GCNT2: variants seen among roughly 807,000 people sequenced by gnomAD.
The protein encoded by GCNT2 is glucosaminyl (N-acetyl) transferase 2 (I blood group), also known as N-acetyllactosaminide beta-1,6-N-acetylglucosaminyl-transferase.
GCNT2 carries 34 observed loss-of-function variants against 34.2 expected under a neutral mutation model. The observed-to-expected ratio is 1.00, with a 90% CI of 0.76 to 1.32. GCNT2 has a LOEUF of 1.32. Ranked by LOEUF, GCNT2 falls within the 40% of genes most tolerant of loss-of-function variation. The pLI is 0.00. For synonymous variants in GCNT2, 212 were observed against 188.0 expected, an observed-to-expected ratio of 1.13 and a Z score of -1.04; for missense variants, 584 against 489.4, an observed-to-expected ratio of 1.19 and a Z score of -1.82.
intron 3 of GCNT2, among the ~76,000 whole-genome samples, chr6:10,578,910 C>T (rs1365658145): frequency 3.9e-5 from 6 of 152,054 alleles, no homozygotes; most frequent in Non-Finnish European, 8.8e-5. Context: ...TGGGAGGAGG[C>T]GGAGAACTGG....
chr6:10,616,042 C>A (rs1256052772), intron 3 of GCNT2, among the ~76,000 whole-genome samples: 4 of 152,210 alleles, frequency 2.6e-5, no homozygotes, highest in Admixed American at 2.6e-4. Flanking sequence ...TGCGGACTCT[C>A]GCAGTGAGTG....
rs1766377848 is a variant in GCNT2, at chr6:10,628,944, C to T, written c.*2337C>T. ...GGCTGAGGCATGAGAATCGCTTGAA[C>T]CCAGGAGGTGGAGGTTACAGTGAGC... On this transcript the variant is annotated 3_prime_UTR_variant, in exon 5 of 5. Transcript: ENST00000495262. 1 of 152,408 alleles carries T rather than the reference C, an allele frequency of 6.6e-6. No individual in the cohort carries two copies. Among genetic ancestry groups the T allele is most frequent in the Admixed American group, 6.5e-5 (1 of 15,278 alleles). 9.4% of individuals were successfully genotyped at this position (152,408 alleles called of 1,614,324 possible).
At position 10,529,758 on chromosome 6, in the gene GCNT2, G is replaced by A. The variant is rs375575478; in HGVS notation, c.847G>A (p.Ala283Thr). The change falls in exon 3 of 5, where the codon GCA becomes ACA. Residue 283 changes from alanine to threonine, a missense_variant. Physicochemically the swap from Ala to Thr is moderately conservative, Grantham distance 58. Transcript: ENST00000495262. ...FANFVLQDQLALDLLSWSKDT... is the reference protein window; with the variant it reads ...FANFVLQDQLTLDLLSWSKDT... ...TAACTTCGTCCTCCAAGACCAGCTCGCACTTGACTTACTCTCCTGGTCCAA... is the reference window on the plus strand; with the variant it reads ...TAACTTCGTCCTCCAAGACCAGCTCACACTTGACTTACTCTCCTGGTCCAA... 8.7e-6 allele frequency: 14 copies of A among 1,613,992 alleles called. No individual in the cohort carries two copies. The highest frequency in any genetic ancestry group is 5.0e-5 in the Admixed American group (3 of 59,994).
chr6:10,545,338 C>T lies in GCNT2; in HGVS notation c.925+15502C>T, dbSNP rs147959548. 2.9e-3 allele frequency among the ~76,000 whole-genome samples: 443 copies of T among 152,238 alleles called. 2 individuals carry two copies. The highest frequency in any genetic ancestry group is 0.01 in the African/African-American group (419 of 41,536). ...ATTGGTCTGCGCTATCGACATTTGA[C>T]CACCTAGAAACTTTGGAGTTTTGTT... On this transcript the variant is annotated intron_variant, in intron 3 of 4. Transcript: ENST00000495262.
intron 3 of GCNT2, among the ~76,000 whole-genome samples, chr6:10,592,644 G>C (rs1250085912): frequency 6.6e-6 from 1 of 152,176 alleles, no homozygotes; most frequent in African/African-American, 2.4e-5. Flanking sequence ...CTTCATTGGA[G>C]AATCTGTACC....
intron 3 of GCNT2, among the ~76,000 whole-genome samples, chr6:10,542,168 C>A (rs1762063319): frequency 1.3e-5 from 2 of 152,238 alleles, no homozygotes; most frequent in African/African-American, 4.8e-5. Flanking sequence ...CAGGTTTCTA[C>A]CGTCCAAGTC....
At chr6:10,588,159 G>T (rs752396174) in intron 3 of GCNT2, among the ~76,000 whole-genome samples, 1 of 152,174 alleles carries the variant, frequency 6.6e-6, no homozygotes, top group African/African-American at 2.4e-5. Context: ...GGCTGGAGAC[G>T]AGAGAATTAT....
At chr6:10,566,177 G>A (rs1451412042) in intron 3 of GCNT2, among the ~76,000 whole-genome samples, 1 of 150,576 alleles carries the variant, frequency 6.6e-6, no homozygotes. Context: ...TCTGATTGAT[G>A]TGTGCTTTTT....
chr6:10,559,415 C>T (rs1762871476), intron 3 of GCNT2, among the ~76,000 whole-genome samples: 1 of 152,208 alleles, frequency 6.6e-6, no homozygotes, highest in African/African-American at 2.4e-5. Flanking sequence ...CTTCTGCCTT[C>T]TCACTGCAAC....
intron 3 of GCNT2, among the ~76,000 whole-genome samples, chr6:10,572,755 T>C (rs952709255): frequency 6.6e-6 from 1 of 151,902 alleles, no homozygotes; most frequent in Non-Finnish European, 1.5e-5. Flanking sequence ...AAAATAAAAA[T>C]AAAAAATAAA....
chr6:10,571,477 C>A (rs769945190), intron 3 of GCNT2, among the ~76,000 whole-genome samples: 1 of 152,054 alleles, frequency 6.6e-6, no homozygotes, highest in Non-Finnish European at 1.5e-5. Flanking sequence ...CTCAGCCTCC[C>A]GAGTAACTAG....
In GCNT2 at chr6:10,546,975, T is replaced by A. The variant is rs1309561993; in HGVS notation, c.925+17139T>A. ...TACACTTTTTTTCTTTTATGGTTCATGATTTTATGTCCTACCTTAAGAAAT... is the reference window on the plus strand; with the variant it reads ...TACACTTTTTTTCTTTTATGGTTCAAGATTTTATGTCCTACCTTAAGAAAT... On this transcript the variant is annotated intron_variant, in intron 3 of 4. Transcript: ENST00000495262. Among the ~76,000 whole-genome samples the A allele has an allele frequency of 2.0e-5, 3 of 152,308 alleles. No individual in the cohort carries two copies. In the East Asian group the frequency reaches 5.8e-4, roughly 29 times the overall value.
At chr6:10,550,087 C>G (rs1762420989) in intron 3 of GCNT2, among the ~76,000 whole-genome samples, 1 of 152,016 alleles carries the variant, frequency 6.6e-6, no homozygotes, top group Admixed American at 6.6e-5. Flanking sequence ...GAGTTTTGCT[C>G]TTGTTGCCTA....
Position 10,529,250 on chromosome 6 carries a change from C to G in GCNT2, c.339C>G (p.Leu113=). The change falls in exon 3 of 5, where the codon CTC becomes CTG. Residue 113 remains leucine, a synonymous_variant. Coordinates refer to ENST00000495262, the MANE Select transcript of GCNT2 (RefSeq NM_145649.5). ...IHKDFGTFER[L]FRAIYMPQNV... ...AAGACTTCGGCACTTTTGAGAGGCTCTTCAGGGCGATTTATATGCCCCAAA... is the reference window on the plus strand; with the variant it reads ...AAGACTTCGGCACTTTTGAGAGGCTGTTCAGGGCGATTTATATGCCCCAAA... 1 of 1,614,190 alleles carries G rather than the reference C, an allele frequency of 6.2e-7. No homozygotes were observed. The highest frequency in any genetic ancestry group is 8.5e-7 in the Non-Finnish European group (1 of 1,180,024).
intron 3 of GCNT2, among the ~76,000 whole-genome samples, chr6:10,550,953 T>G (rs1762455034): frequency 2.0e-5 from 3 of 152,248 alleles, no homozygotes. Context: ...ATTTGGCTGA[T>G]AGTTGTGGAA....
At chr6:10,590,888 A>T (rs1764611430) in intron 3 of GCNT2, among the ~76,000 whole-genome samples, 1 of 152,100 alleles carries the variant, frequency 6.6e-6, no homozygotes, top group Admixed American at 6.5e-5. Context: ...TTTTAATGAC[A>T]TCCTCTCATA....
At chr6:10,552,162 C>T (rs988355292) in intron 3 of GCNT2, among the ~76,000 whole-genome samples, 13 of 152,070 alleles carry the variant, frequency 8.5e-5, no homozygotes, top group Admixed American at 7.9e-4. Context: ...GATTGGGCCC[C>T]CGGAGAAGCA....
intron 3 of GCNT2, among the ~76,000 whole-genome samples, chr6:10,583,352 C>A (rs1166339842): frequency 6.6e-6 from 1 of 152,128 alleles, no homozygotes; most frequent in African/African-American, 2.4e-5. Context: ...AGCAGCTGTT[C>A]CAACTGGCAC....
At position 10,621,396 on chromosome 6, in the gene GCNT2, G is replaced by A; in HGVS notation, c.971G>A (p.Arg324Lys). The change falls in exon 4 of 5, where the codon AGA (arginine) becomes AAA (lysine). Residue 324 changes from arginine (R) to lysine (K), a missense_variant. Coordinates refer to ENST00000495262, the MANE Select transcript of GCNT2 (RefSeq NM_145649.5). ...AATGCATCCTGGACTGGAAACCTCA[G>A]AGCTATAAAGTGGAGTGACATGGAA... ...MPNASWTGNL[R>K]AIKWSDMEDR... is the part of the protein sequence containing the mutation. 6.2e-7 allele frequency: 1 copy of A among 1,613,836 alleles called. No individual in the cohort carries two copies. Among genetic ancestry groups the A allele is most frequent in the Non-Finnish European group, 8.5e-7 (1 of 1,179,756 alleles).
Sources: allele counts gnomAD v4.1 joint callset (sites outside exome capture counted in the v4.1 genomes callset), GRCh38; gene constraint gnomAD v4.1.1; transcripts MANE v1.5; gene names NCBI Gene and HGNC (gene_info 2026-07-23, HGNC 2026-07-21).